Variants in CXADR observed in about 807,000 individuals in gnomAD.
CXADR encodes the protein coxsackievirus and adenovirus receptor.
CXADR carries 20 observed loss-of-function variants against 40.3 expected under a neutral mutation model. The observed-to-expected ratio is 0.50, with a 90% CI of 0.35 to 0.72. The LOEUF (loss-of-function observed/expected upper bound fraction) is 0.72. Ranked by LOEUF, CXADR falls within the 30% of genes least tolerant of loss-of-function variation. The probability of loss-of-function intolerance (pLI) is 0.01; values close to 1 mark genes in which losing one functional copy is unlikely to be tolerated. For missense variants in CXADR, 332 were observed against 449.1 expected (o/e 0.74, Z 2.36); for synonymous variants, 150 against 161.3 (o/e 0.93, Z 0.53).
intron 2 of CXADR, among the ~76,000 whole-genome samples, chr21:17,548,530 G>A (rs1461557382): frequency 6.6e-6 from 1 of 152,160 alleles, no homozygotes; most frequent in African/African-American, 2.4e-5. Context: ...CTAGAGTACA[G>A]GCTCCTGTCT....
chr21:17,587,797 A>G (rs1756181528), intron 7 of CXADR, among the ~76,000 whole-genome samples: 1 of 152,150 alleles, frequency 6.6e-6, no homozygotes, highest in African/African-American at 2.4e-5. Flanking sequence ...TGTTTTAGAC[A>G]TGAAGTCCTT....
At chr21:17,614,162 A>G in the CXADR span, 1 of 151,998 alleles carries the variant, frequency 6.6e-6, no homozygotes, top group Non-Finnish European at 1.5e-5. Context: ...TTTAAAGAGG[A>G]TATTTACACC....
rs955935421 is a variant in CXADR, at chr21:17,567,845, G to A, written c.*2153G>A. On this transcript the variant is annotated 3_prime_UTR_variant, in exon 7 of 7. Transcript: ENST00000284878. ...AGAAGTTATCATAGAAAGTGGACACGTATAAGACTTTCCTTCCTTTTTTTT... is the reference window on the plus strand; with the variant it reads ...AGAAGTTATCATAGAAAGTGGACACATATAAGACTTTCCTTCCTTTTTTTT... The A allele has an allele frequency of 1.8e-5, 17 of 955,494 alleles. No individual in the cohort carries two copies. Among genetic ancestry groups the A allele is most frequent in the Middle Eastern group, 1.1e-3 (2 of 1,856 alleles). 59.2% of individuals were successfully genotyped at this position (955,494 alleles called of 1,614,324 possible).
intron 1 of CXADR, among the ~76,000 whole-genome samples, chr21:17,513,393 C>A (rs565722469): frequency 6.6e-6 from 1 of 151,646 alleles, no homozygotes; most frequent in African/African-American, 2.4e-5. Flanking sequence ...GCGGAGTGCC[C>A]GGGGACGGAG....
At chr21:17,621,016 C>T in the CXADR span, among the ~76,000 whole-genome samples, 2 of 152,246 alleles carry the variant, frequency 1.3e-5, no homozygotes, top group East Asian at 3.9e-4. Context: ...TCTAAAAAAC[C>T]TCAGTTTTTG....
chr21:17,547,124 C>G lies in CXADR; in HGVS notation c.141C>G (p.Pro47=). Residue 47 remains proline (P), a synonymous_variant, in exon 2 of 7, where the codon CCC becomes CCG. Transcript: ENST00000284878. ...AYLPCKFTLS[P]EDQGPLDIEW... ...TGCCATGCAAATTTACGCTTAGTCC[C>G]GAAGACCAGGGACCGCTGGACATCG... 1 of 1,614,118 alleles carries G rather than the reference C, an allele frequency of 6.2e-7. No homozygotes were observed. The highest frequency in any genetic ancestry group is 8.5e-7 in the Non-Finnish European group (1 of 1,180,018).
the CXADR span, among the ~76,000 whole-genome samples, chr21:17,617,441 C>T: frequency 2.5e-4 from 38 of 152,252 alleles, no homozygotes; most frequent in East Asian, 6.8e-3. Context: ...CAACTCCTAT[C>T]TTTATTTTAG....
chr21:17,623,743 T>A, the CXADR span, among the ~76,000 whole-genome samples: 2 of 152,222 alleles, frequency 1.3e-5, no homozygotes, highest in Admixed American at 6.5e-5. Flanking sequence ...TATCTCATTA[T>A]GTCTTTTTTC....
chr21:17,608,083 T>C, the CXADR span, among the ~76,000 whole-genome samples: 1 of 152,132 alleles, frequency 6.6e-6, no homozygotes, highest in Non-Finnish European at 1.5e-5. Flanking sequence ...TCCCAGAACC[T>C]TGGCCAGGCA....
At chr21:17,543,713 G>A (rs955492003) in intron 1 of CXADR, among the ~76,000 whole-genome samples, 2 of 152,138 alleles carry the variant, frequency 1.3e-5, no homozygotes, top group Non-Finnish European at 2.9e-5. Context: ...TCTATTATGT[G>A]CAAAGAACTA....
downstream of CXADR, chr21:17,594,356 G>A: frequency 6.3e-7 from 1 of 1,594,052 alleles, no homozygotes; most frequent in African/African-American, 1.4e-5. Flanking sequence ...AACACATTAA[G>A]TTAATTCAAA....
the CXADR span, among the ~76,000 whole-genome samples, chr21:17,635,156 C>T: frequency 6.6e-6 from 1 of 152,164 alleles, no homozygotes; most frequent in African/African-American, 2.4e-5. Flanking sequence ...TAATAACCTC[C>T]TTTTGAAAAT....
chr21:17,563,482 G>A (rs1429840148), intron 6 of CXADR, among the ~76,000 whole-genome samples: 1 of 151,994 alleles, frequency 6.6e-6, no homozygotes, highest in African/African-American at 2.4e-5. Flanking sequence ...TAAGTTTGCT[G>A]TCTCTTATGG....
At chr21:17,598,887 T>C in the CXADR span, 2 of 1,353,632 alleles carry the variant, frequency 1.5e-6, no homozygotes, top group Non-Finnish European at 2.0e-6. Context: ...AAAATGTCCA[T>C]AAAAACAAAG....
chr21:17,632,849 A>G, the CXADR span, among the ~76,000 whole-genome samples: 1 of 152,192 alleles, frequency 6.6e-6, no homozygotes, highest in Non-Finnish European at 1.5e-5. Flanking sequence ...CCTGGGCGAC[A>G]GAGTGAGACT....
At chr21:17,544,870 C>T (rs1224410204) in intron 1 of CXADR, among the ~76,000 whole-genome samples, 1 of 152,032 alleles carries the variant, frequency 6.6e-6, no homozygotes, top group Non-Finnish European at 1.5e-5. Context: ...AGTCTATTGG[C>T]TTTGACTTTA....
chr21:17,534,096 A>ATTT (rs1830128723), intron 1 of CXADR, among the ~76,000 whole-genome samples: 32 of 91,918 alleles, frequency 3.5e-4, no homozygotes, highest in African/African-American at 1.5e-3. Context: ...ATATATATAT[A>ATTT]TATATTTTTT....
chr21:17,568,469 A>G lies in CXADR; in HGVS notation c.*2777A>G. The G allele has an allele frequency of 1.0e-6, 1 of 980,084 alleles. No homozygotes were observed. Among genetic ancestry groups the G allele is most frequent in the Non-Finnish European group, 1.2e-6 (1 of 828,916 alleles). 60.7% of individuals were successfully genotyped at this position (980,084 alleles called of 1,614,324 possible). A position where few individuals can be genotyped will look rare whatever the true frequency, so the allele number is the denominator to read the frequency against. On this transcript the variant is annotated 3_prime_UTR_variant, in exon 7 of 7. Transcript: ENST00000284878. ...CAGCAAAGCCATTTTATTCTACTTTATAACTGAGAGACTTGATACCATCCA... is the reference window on the plus strand; with the variant it reads ...CAGCAAAGCCATTTTATTCTACTTTGTAACTGAGAGACTTGATACCATCCA...
the CXADR span, among the ~76,000 whole-genome samples, chr21:17,616,128 G>A: frequency 6.6e-6 from 1 of 151,820 alleles, no homozygotes. Context: ...GCATGCTCCT[G>A]TAATCCCAGC....
Sources: allele counts gnomAD v4.1 joint callset (sites outside exome capture counted in the v4.1 genomes callset), GRCh38; gene constraint gnomAD v4.1.1; transcripts MANE v1.5; gene names NCBI Gene and HGNC (gene_info 2026-07-23, HGNC 2026-07-21).